The following ERCC6L2 variants were observed in gnomAD, a reference collection of about 807,000 sequenced individuals.
The protein encoded by ERCC6L2 is ERCC excision repair 6 like 2, also known as DNA excision repair protein ERCC-6-like 2.
Under a neutral mutation model 132.0 loss-of-function variants are expected in ERCC6L2, and 77 were observed. The ratio of observed to expected loss-of-function variants is 0.58; its 90% confidence interval spans 0.49 to 0.71. ERCC6L2 has a LOEUF of 0.71. Among genes scored for constraint, ERCC6L2 ranks in the 30% least tolerant of loss-of-function variants. ERCC6L2 has a pLI of 0.00. For synonymous variants in ERCC6L2, 583 were observed against 632.4 expected (o/e 0.92, Z 1.17); for missense variants, 1,542 against 1,837.6 (o/e 0.84, Z 2.94).
At chr9:95,894,064 T>TTA (rs1828312421) in intron 2 of ERCC6L2, among the ~76,000 whole-genome samples, 1 of 152,190 alleles carries the variant, frequency 6.6e-6, no homozygotes. Context: ...CTACTGAACG[T>TTA]TATAGCTTAG....
chr9:95,990,160 C>A (rs1333241191), intron 17 of ERCC6L2, among the ~76,000 whole-genome samples: 1 of 152,192 alleles, frequency 6.6e-6, no homozygotes, highest in East Asian at 1.9e-4. Context: ...AACCATTCCA[C>A]AGTGAAGAAG....
chr9:95,888,784 C>G (rs1345029911), intron 2 of ERCC6L2, among the ~76,000 whole-genome samples: 2 of 152,162 alleles, frequency 1.3e-5, no homozygotes, highest in Non-Finnish European at 2.9e-5. Context: ...ATTTATAGTC[C>G]TGGTCCATAA....
At chr9:95,966,886 TA>T in intron 14 of ERCC6L2, 172 bp downstream of exon 14, 1 of 437,686 alleles carries the variant, frequency 2.3e-6, no homozygotes, top group Non-Finnish European at 3.9e-6. Context: ...ATTGTACCTC[TA>T]AACTAAGATT....
chr9:95,972,622 A>T lies in ERCC6L2; in HGVS notation c.2871A>T (p.Ser957=), dbSNP rs1832470218. 1 of 1,290,860 alleles carries T rather than the reference A, an allele frequency of 7.7e-7. No individual in the cohort carries two copies. The highest frequency in any genetic ancestry group is 1.5e-5 in the African/African-American group (1 of 65,768). The allele number at this position is 1,290,860 out of a possible 1,614,324, so 80.0% of individuals were successfully genotyped here. A position where few individuals can be genotyped will look rare whatever the true frequency, so the allele number is the denominator to read the frequency against. Residue 957 remains serine (S), a synonymous_variant, in exon 16 of 19, where the codon TCA becomes TCT. Transcript: ENST00000653738. ...ATGACAAAAGAAATGGAATAATTTC[A>T]AAAAAGTTAAGTCCTGAGAACACAA... The part of the protein sequence containing the change: ...NTDDKRNGII[S]KKLSPENTTL...
rs188607523 is a variant in ERCC6L2 at position 95,926,632 on chromosome 9, A to G, written c.1534-1447A>G. Among the ~76,000 whole-genome samples, 31 of 152,292 alleles carry G rather than the reference A, an allele frequency of 2.0e-4. No homozygotes were observed. In the East Asian group the frequency reaches 6.0e-3, roughly 29 times the overall value. ...GTTGCTATGGGTTCTGGGGGAGGAA[A>G]GAATGAGTAGGTGAAGCACAAGGAA... On this transcript the variant is annotated intron_variant, in intron 9 of 18. Coordinates refer to ENST00000653738, the MANE Select transcript of ERCC6L2 (RefSeq NM_020207.7).
At chr9:95,930,799 T>G (rs900649376) in intron 11 of ERCC6L2, among the ~76,000 whole-genome samples, 1 of 152,206 alleles carries the variant, frequency 6.6e-6, no homozygotes, top group Non-Finnish European at 1.5e-5. Context: ...TTTGGTCCAT[T>G]AACTTTCCAC....
chr9:95,982,215 G>T (rs1832922372), intron 17 of ERCC6L2, among the ~76,000 whole-genome samples: 1 of 152,108 alleles, frequency 6.6e-6, no homozygotes, highest in Admixed American at 6.6e-5. Context: ...TGGGGTGGGA[G>T]GTAGCGTGGG....
chr9:95,965,404 T>C (rs79296573), intron 13 of ERCC6L2, among the ~76,000 whole-genome samples: 6,107 of 152,318 alleles, frequency 0.04, 171 homozygotes, highest in Non-Finnish European at 0.062. Flanking sequence ...GCTATACATG[T>C]AATAAATGTT....
intron 1 of ERCC6L2, 160 bp downstream of exon 1, chr9:95,876,244 A>T: frequency 1.6e-6 from 1 of 612,922 alleles, no homozygotes; most frequent in South Asian, 2.5e-5. Flanking sequence ...CAAATCTCCG[A>T]TTCAGTGTTG....
At chr9:95,991,928 G>A (rs1052040050) in intron 17 of ERCC6L2, among the ~76,000 whole-genome samples, 1 of 152,124 alleles carries the variant, frequency 6.6e-6, no homozygotes, top group Non-Finnish European at 1.5e-5. Context: ...TTAACCTTGA[G>A]TTTTGGTATA....
intron 9 of ERCC6L2, among the ~76,000 whole-genome samples, chr9:95,923,934 C>A (rs1311943028): frequency 6.9e-6 from 1 of 145,802 alleles, no homozygotes; most frequent in Non-Finnish European, 1.6e-5. Context: ...AATGTGTTAC[C>A]GAGGGAAGGG....
intron 2 of ERCC6L2, among the ~76,000 whole-genome samples, chr9:95,895,958 C>G (rs1003365453): frequency 5.9e-5 from 9 of 152,130 alleles, no homozygotes; most frequent in African/African-American, 2.2e-4. Context: ...GATCTCCTGA[C>G]CTCGTGATCC....
chr9:95,987,834 C>T (rs1833153514), intron 17 of ERCC6L2, among the ~76,000 whole-genome samples: 1 of 152,216 alleles, frequency 6.6e-6, no homozygotes, highest in African/African-American at 2.4e-5. Context: ...ATGAGGGCCC[C>T]ACCCCTGCAG....
intron 12 of ERCC6L2, among the ~76,000 whole-genome samples, chr9:95,948,791 G>GAAAAAAAA (rs55712485): frequency 2.9e-5 from 3 of 104,070 alleles, no homozygotes; most frequent in Admixed American, 9.2e-5. Flanking sequence ...CAAGACATTA[G>GAAAAAAAA]AAAAAAAAAA....
At chr9:95,967,316 T>C (rs927031634) in intron 14 of ERCC6L2, 1 of 152,232 alleles carries the variant, frequency 6.6e-6, no homozygotes, top group Non-Finnish European at 1.5e-5. Flanking sequence ...GATATTCATA[T>C]AGGTATCATA....
intron 14 of ERCC6L2, 198 bp downstream of exon 14, chr9:95,966,912 T>A: frequency 2.6e-6 from 1 of 387,600 alleles, no homozygotes; most frequent in Non-Finnish European, 4.5e-6. Flanking sequence ...CATGCATAAT[T>A]ACAAATAATG....
chr9:95,893,123 C>A (rs1828257294), intron 2 of ERCC6L2, among the ~76,000 whole-genome samples: 1 of 151,990 alleles, frequency 6.6e-6, no homozygotes, highest in South Asian at 2.1e-4. Context: ...TGCAATGTAC[C>A]TAATAATGTA....
At chr9:96,011,405 T>C (rs1053453826) in intron 18 of ERCC6L2, among the ~76,000 whole-genome samples, 6 of 151,862 alleles carry the variant, frequency 4.0e-5, no homozygotes, top group African/African-American at 1.5e-4. Flanking sequence ...TAACTCCAAA[T>C]ACTGTTACGT....
Position 95,972,702 on chromosome 9 carries a change from A to G in ERCC6L2, c.2951A>G (p.Asp984Gly), listed in dbSNP as rs1832475729. The G allele has an allele frequency of 1.5e-6, 2 of 1,301,720 alleles. No individual in the cohort carries two copies. The highest frequency in any genetic ancestry group is 2.0e-6 in the Non-Finnish European group (2 of 988,892). 80.6% of individuals were successfully genotyped at this position (1,301,720 alleles called of 1,614,324 possible). The stretch of plus-strand genomic sequence containing the variant: ...ACCAGTGATATCAGTGATGAATCTG[A>G]TGACATTGAAATTTCTTCCAAGTCA... The part of the protein sequence containing the change: ...KGTSDISDES[D>G]DIEISSKSRV... The change falls in exon 16 of 19, where the codon GAT becomes GGT. Residue 984 changes from aspartate (D) to glycine (G), a missense_variant. Asp to Gly is a moderately conservative substitution (Grantham distance 94). Around this residue, in one of 4 missense-constraint regions of ERCC6L2, gnomAD observed 945 missense variants for 1,105.2 expected, o/e 0.86. Coordinates refer to ENST00000653738, the MANE Select transcript of ERCC6L2 (RefSeq NM_020207.7).
Sources: allele counts gnomAD v4.1 joint callset (sites outside exome capture counted in the v4.1 genomes callset), GRCh38; gene constraint gnomAD v4.1.1; regional missense constraint gnomAD v4.1.1; transcripts MANE v1.5; gene names NCBI Gene and HGNC (gene_info 2026-07-23, HGNC 2026-07-21).